Variants in HOXB3 observed in about 807,000 individuals in gnomAD.
HOXB3 encodes homeobox B3.
HOXB3 carries 17 observed loss-of-function variants against 29.2 expected under a neutral mutation model. The ratio of observed to expected loss-of-function variants is 0.58; its 90% CI spans 0.40 to 0.87. The LOEUF is 0.87. Ranked by LOEUF, HOXB3 falls within the 40% of genes least tolerant of loss-of-function variation. HOXB3 has a pLI of 0.00. For missense variants in HOXB3, 637 were observed against 616.3 expected, an observed-to-expected ratio of 1.03 and a Z score of -0.35; for synonymous variants, 317 against 285.9, an observed-to-expected ratio of 1.11 and a Z score of -1.10.
chr17:48,560,401 T>G (rs2069152121), intron 2 of HOXB3: 1 of 7,202 alleles, frequency 1.4e-4, no homozygotes, highest in Admixed American at 1.6e-3. Flanking sequence ...GCTCTTTTGT[T>G]TTTTTTTTCT....
intron 1 of HOXB3, chr17:48,577,808 C>A: frequency 7.4e-7 from 1 of 1,352,158 alleles, no homozygotes; most frequent in Non-Finnish European, 9.5e-7. Flanking sequence ...CCTCCGAAGT[C>A]CCTTTGGTGT....
chr17:48,555,739 G>A (rs1320118480), intron 2 of HOXB3, 121 bp from the exon 3 acceptor site: 4 of 637,034 alleles, frequency 6.3e-6, no homozygotes, highest in East Asian at 2.8e-5. Flanking sequence ...CAGAGGAGCC[G>A]CGCGGCGTCC....
At chr17:48,567,405 T>TG (rs904582218) in intron 2 of HOXB3, among the ~76,000 whole-genome samples, 1 of 152,224 alleles carries the variant, frequency 6.6e-6, no homozygotes, top group Admixed American at 6.5e-5. Context: ...TCAGTTGGCC[T>TG]GGCTCCAGTC....
intron 1 of HOXB3, chr17:48,576,761 C>A (rs1312678569): frequency 6.3e-7 from 1 of 1,587,258 alleles, no homozygotes; most frequent in Admixed American, 1.7e-5. Flanking sequence ...GGCCAGGGGG[C>A]CCTCCGGCTG....
chr17:48,550,461 G>T lies in HOXB3; in HGVS notation c.1169C>A (p.Pro390His), dbSNP rs951556409. 3.1e-5 allele frequency: 50 copies of T among 1,612,726 alleles called. No individual in the cohort carries two copies. Among genetic ancestry groups the T allele is most frequent in the Non-Finnish European group, 4.2e-5 (49 of 1,179,784 alleles). Residue 390 changes from proline to histidine, a missense_variant, in exon 5 of 5, where the codon CCC (proline) becomes CAC (histidine). Transcript: ENST00000498678. ...PSGNLDYNGA[P>H]PMAPSQHHGP... is the part of the protein sequence containing the mutation. ...GTGGTGCTGGCTGGGCGCCATAGGG[G>T]GCGCCCCGTTGTAGTCCAGGTTCCC...
At chr17:48,556,579 TC>T (rs1005483061) in intron 2 of HOXB3, 1 of 141,002 alleles carries the variant, frequency 7.1e-6, no homozygotes, top group African/African-American at 2.7e-5. Context: ...AAAACACCCC[TC>T]CCCCTTTTTC....
chr17:48,579,698 C>A (rs901395334), intron 1 of HOXB3: 3 of 234,760 alleles, frequency 1.3e-5, no homozygotes, highest in Non-Finnish European at 2.7e-5. Context: ...TAGATGATTT[C>A]TCCATCTCTA....
intron 1 of HOXB3, among the ~76,000 whole-genome samples, chr17:48,584,203 A>T (rs2070003277): frequency 6.6e-6 from 1 of 152,154 alleles, no homozygotes; most frequent in South Asian, 2.1e-4. Context: ...GCCATTTGGT[A>T]TTTTTCCTTT....
intron 2 of HOXB3, among the ~76,000 whole-genome samples, chr17:48,568,514 C>T (rs538309934): frequency 1.5e-4 from 23 of 152,158 alleles, no homozygotes; most frequent in Admixed American, 3.9e-4. Flanking sequence ...CCTCCGAGAG[C>T]GACTCTCTCC....
Position 48,550,883 on chromosome 17 carries a change from G to A in HOXB3, c.747C>T (p.Ala249=). 6.2e-7 allele frequency: 1 copy of A among 1,613,952 alleles called. No homozygotes were observed. The highest frequency in any genetic ancestry group is 8.5e-7 in the Non-Finnish European group (1 of 1,179,936). Residue 249 remains alanine, a synonymous_variant, in exon 5 of 5, where the codon GCC becomes GCT. Transcript: ENST00000498678. ...CCCCCGACGACGAGGCCAATCCCTT[G>A]GCCTTCTGGTCCTTCTTGTACTTCA... The part of the protein sequence containing the change: ...RRMKYKKDQK[A]KGLASSSGGP...
chr17:48,552,040 G>A lies in HOXB3; in HGVS notation c.435C>T (p.Asn145=). 1 of 1,578,890 alleles carries A rather than the reference G, an allele frequency of 6.3e-7. No individual in the cohort carries two copies. The highest frequency in any genetic ancestry group is 8.6e-7 in the Non-Finnish European group (1 of 1,158,344). The change falls in exon 4 of 5, where the codon AAC becomes AAT. Residue 145 remains asparagine, a synonymous_variant. Transcript: ENST00000498678. ...GAGAACTGGTACCTGTGCCGGGGGA[G>A]TTGTTTTTCAGCTTGGACGTTTGCC... The part of the protein sequence containing the change: ...ESRQTSKLKN[N]SPGTAEGCGG...
At chr17:48,587,557 T>C (rs2070070929) in intron 1 of HOXB3, among the ~76,000 whole-genome samples, 1 of 152,130 alleles carries the variant, frequency 6.6e-6, no homozygotes, top group Non-Finnish European at 1.5e-5. Context: ...TGGCCTGCAA[T>C]TCCCAGGGAT....
At chr17:48,577,644 A>G (rs1046121435) in intron 1 of HOXB3, among the ~76,000 whole-genome samples, 1 of 152,184 alleles carries the variant, frequency 6.6e-6, no homozygotes, top group African/African-American at 2.4e-5. Context: ...AGGATGGGGA[A>G]CCTACTTCAA....
At position 48,552,374 on chromosome 17, in the gene HOXB3, T is replaced by TG. The variant is rs771928715; in HGVS notation, c.100dup (p.Gln34ProfsTer68). 214 of 1,611,420 alleles carry TG rather than the reference T, an allele frequency of 1.3e-4. 1 individual carries two copies. The highest frequency in any genetic ancestry group is 2.0e-4 in the Admixed American group (12 of 59,860). ...GTGCGTGGCGGCCTGAAATGGGGGT[T>TG]GGGGGGGGACATCGAAGCCGAAGCC... On this transcript the variant is annotated frameshift_variant, in exon 4 of 5. Transcript: ENST00000498678. LOFTEE classifies it high-confidence loss of function.
intron 1 of HOXB3, chr17:48,576,797 C>T (rs552830566): frequency 1.2e-6 from 2 of 1,614,246 alleles, no homozygotes; most frequent in Non-Finnish European, 1.7e-6. Context: ...CCGAGCGGAT[C>T]TTGGTGTTGG....
rs2069925788 is a variant in HOXB3, at chr17:48,581,124, A to G, written c.-424-7110T>C. 1.3e-5 allele frequency: 2 copies of G among 152,244 alleles called. 1 individual carries two copies. Among genetic ancestry groups the G allele is most frequent in the African/African-American group, 4.8e-5 (2 of 41,454 alleles). The allele number at this position is 152,244 out of a possible 1,614,324, so 9.4% of individuals were successfully genotyped here. ...ACACAAAAACAACCCTCTAACTGCA[A>G]CACTCCAGAGATCTCTGCCTATGCC... is the stretch of plus-strand genomic sequence containing the variant. On this transcript the variant is annotated intron_variant, in intron 1 of 4. Transcript: ENST00000498678.
In HOXB3 at chr17:48,573,978, C is replaced by G. The variant is rs372107693; in HGVS notation, c.-388G>C. 5.6e-4 allele frequency: 377 copies of G among 678,470 alleles called. 4 individuals are homozygous for G. In the African/African-American group the frequency reaches 6.2e-3, roughly 11 times the overall value. The allele number at this position is 678,470 out of a possible 1,614,324, so 42.0% of individuals were successfully genotyped here. A position where few individuals can be genotyped will look rare whatever the true frequency, so the allele number is the denominator to read the frequency against. On this transcript the variant is annotated 5_prime_UTR_variant, in exon 2 of 5. Coordinates refer to ENST00000498678, the MANE Select transcript of HOXB3 (RefSeq NM_001384749.1). Reference sequence around the variant, plus strand: ...TTGCAGATCCGGGAGAGACGGCTAACACTTTTTTCCCCCAACAGCCGGTCC... The same window carrying G: ...TTGCAGATCCGGGAGAGACGGCTAAGACTTTTTTCCCCCAACAGCCGGTCC...
chr17:48,559,038 A>T (rs1446792507), intron 2 of HOXB3, among the ~76,000 whole-genome samples: 1 of 152,088 alleles, frequency 6.6e-6, no homozygotes, highest in Non-Finnish European at 1.5e-5. Context: ...GAAGTAAAAA[A>T]ATAATAAGGG....
chr17:48,551,903 C>G, intron 4 of HOXB3, 124 bp downstream of exon 4: 1 of 875,676 alleles, frequency 1.1e-6, no homozygotes, highest in Non-Finnish European at 1.8e-6. Flanking sequence ...CAAAAATGTA[C>G]CCGCTGGCCA....
Sources: allele counts gnomAD v4.1 joint callset (sites outside exome capture counted in the v4.1 genomes callset), GRCh38; gene constraint gnomAD v4.1.1; transcripts MANE v1.5; gene names NCBI Gene and HGNC (gene_info 2026-07-23, HGNC 2026-07-21).